The following SNTG1 variants were observed in gnomAD, a reference collection of about 807,000 sequenced individuals.
SNTG1 encodes gamma-1-syntrophin.
In SNTG1, 39 loss-of-function variants were observed where a neutral mutation model predicts 74.7. The observed-to-expected ratio is 0.52, with a 90% CI of 0.40 to 0.68. The LOEUF (loss-of-function observed/expected upper bound fraction) is 0.68, where lower values mean the gene tolerates loss of function less well. Ranked by LOEUF, SNTG1 falls within the 30% of genes least tolerant of loss-of-function variation. The pLI is 0.00. For missense variants in SNTG1, 685 were observed against 609.5 expected, an observed-to-expected ratio of 1.12 and a Z score of -1.30; for synonymous variants, 254 against 217.1, an observed-to-expected ratio of 1.17 and a Z score of -1.49.
intron 1 of SNTG1, among the ~76,000 whole-genome samples, chr8:50,069,317 A>G (rs963486450): frequency 6.6e-6 from 1 of 152,166 alleles, no homozygotes; most frequent in South Asian, 2.1e-4. Flanking sequence ...ATATCACAAA[A>G]TCCACAAGTG....
At chr8:50,535,192 T>A (rs927433797) in intron 10 of SNTG1, among the ~76,000 whole-genome samples, 1 of 152,138 alleles carries the variant, frequency 6.6e-6, no homozygotes, top group Non-Finnish European at 1.5e-5. Flanking sequence ...ACCATTATTA[T>A]CCCCACTTTG....
chr8:50,361,775 GAGATAGTCTATTGTTCTT>G (rs2091964951), intron 2 of SNTG1, among the ~76,000 whole-genome samples: 2 of 152,056 alleles, frequency 1.3e-5, no homozygotes, highest in Non-Finnish European at 2.9e-5. Context: ...TAGGCTACAT[GAGATAGTCTATTGTTCTT>G]AGGCTACACA....
intron 13 of SNTG1, among the ~76,000 whole-genome samples, chr8:50,594,143 T>C (rs912129297): frequency 6.6e-6 from 1 of 152,280 alleles, no homozygotes; most frequent in African/African-American, 2.4e-5. Context: ...TGAATGGAAG[T>C]CAAGTGATGT....
intron 1 of SNTG1, among the ~76,000 whole-genome samples, chr8:49,968,444 T>C (rs1335123668): frequency 6.6e-6 from 1 of 151,996 alleles, no homozygotes; most frequent in African/African-American, 2.4e-5. Context: ...GTTGGCACAA[T>C]GTCTTGACAT....
intron 1 of SNTG1, among the ~76,000 whole-genome samples, chr8:50,085,872 C>G (rs1822836150): frequency 6.6e-6 from 1 of 152,162 alleles, no homozygotes; most frequent in Non-Finnish European, 1.5e-5. Flanking sequence ...TTGTGTTGGA[C>G]CACTGAAATC....
chr8:50,399,757 T>C (rs2092777176), intron 3 of SNTG1, among the ~76,000 whole-genome samples: 1 of 151,492 alleles, frequency 6.6e-6, no homozygotes, highest in Non-Finnish European at 1.5e-5. Flanking sequence ...CATGAGTGAC[T>C]TTGTGTAAAA....
In SNTG1 at chr8:50,095,956, A is replaced by G. The variant is rs1221700155; in HGVS notation, c.-102-76605A>G. 2.1e-5 allele frequency among the ~76,000 whole-genome samples: 3 copies of G among 141,394 alleles called. No homozygotes were observed. In the East Asian group the frequency reaches 5.9e-4, roughly 28 times the overall value. 92.8% of individuals were successfully genotyped at this position (141,394 alleles called of 152,430 possible). ...GAAAATTATCAGAACATTTTAAATTATTATCTTAATTATTATTACCTGAAT... is the reference window on the plus strand; with the variant it reads ...GAAAATTATCAGAACATTTTAAATTGTTATCTTAATTATTATTACCTGAAT... On this transcript the variant is annotated intron_variant, in intron 1 of 18. Transcript: ENST00000642720.
intron 4 of SNTG1, among the ~76,000 whole-genome samples, chr8:50,435,257 A>G (rs2093289149): frequency 6.6e-6 from 1 of 152,170 alleles, no homozygotes; most frequent in Admixed American, 6.6e-5. Flanking sequence ...AAGGCATTAT[A>G]TATATATGAA....
Position 50,647,892 on chromosome 8 carries a change from A to ATT in SNTG1, c.850-9008_850-9007dup, listed in dbSNP as rs35004246. Among the ~76,000 whole-genome samples, 28 of 149,106 alleles carry ATT rather than the reference A, an allele frequency of 1.9e-4. 1 individual carries two copies. The East Asian group carries it at 3.5e-3, about 19-fold the overall frequency. On this transcript the variant is annotated intron_variant, in intron 13 of 18. Coordinates refer to ENST00000642720, the MANE Select transcript of SNTG1 (RefSeq NM_018967.5). ...TTATGCCTGTAATTCCCATTTTTAC[A>ATT]TTTTTTTTTTAGAAATTAAGAGATA...
chr8:50,601,609 A>C (rs1174038959), intron 13 of SNTG1, among the ~76,000 whole-genome samples: 2 of 152,222 alleles, frequency 1.3e-5, no homozygotes, highest in African/African-American at 4.8e-5. Context: ...CTGTTGGATG[A>C]AATATTCTGT....
At chr8:50,538,371 G>T (rs2094322288) in intron 11 of SNTG1, among the ~76,000 whole-genome samples, 1 of 151,998 alleles carries the variant, frequency 6.6e-6, no homozygotes, top group African/African-American at 2.4e-5. Context: ...GAATTTCAAA[G>T]CTTCTTTTAC....
intron 9 of SNTG1, among the ~76,000 whole-genome samples, chr8:50,510,281 G>A (rs1198444891): frequency 6.6e-6 from 1 of 152,132 alleles, no homozygotes; most frequent in African/African-American, 2.4e-5. Flanking sequence ...GATCATGTTG[G>A]ATAAGCTTTT....
intron 8 of SNTG1, among the ~76,000 whole-genome samples, chr8:50,501,822 T>C (rs553038867): frequency 6.6e-6 from 1 of 152,118 alleles, no homozygotes; most frequent in East Asian, 1.9e-4. Flanking sequence ...AATTCTTTAA[T>C]TGCGGTTGAA....
chr8:50,503,763 T>C (rs890928672), intron 9 of SNTG1, among the ~76,000 whole-genome samples: 2 of 152,232 alleles, frequency 1.3e-5, no homozygotes, highest in Non-Finnish European at 2.9e-5. Flanking sequence ...ATGTACTACA[T>C]TTATTAATGC....
chr8:50,192,164 G>A (rs2083601642), intron 2 of SNTG1, among the ~76,000 whole-genome samples: 1 of 152,094 alleles, frequency 6.6e-6, no homozygotes, highest in African/African-American at 2.4e-5. Context: ...AAAAGCTTTT[G>A]TTGTTGTTTT....
chr8:50,142,333 C>T (rs1167263134), intron 1 of SNTG1, among the ~76,000 whole-genome samples: 2 of 151,918 alleles, frequency 1.3e-5, no homozygotes, highest in African/African-American at 4.8e-5. Context: ...AATACAAGGA[C>T]ATAAAGTTTA....
chr8:50,204,936 A>G (rs1467467119), intron 2 of SNTG1, among the ~76,000 whole-genome samples: 2 of 152,174 alleles, frequency 1.3e-5, no homozygotes. Flanking sequence ...TCCATGGTAT[A>G]TATGTGCCAC....
At chr8:49,925,101 C>A (rs1806902309) in intron 1 of SNTG1, among the ~76,000 whole-genome samples, 1 of 151,994 alleles carries the variant, frequency 6.6e-6, no homozygotes, top group African/African-American at 2.4e-5. Flanking sequence ...TGCAGTGAGC[C>A]ATAATCATAC....
At chr8:50,671,896 G>A in intron 15 of SNTG1, among the ~76,000 whole-genome samples, 1 of 151,788 alleles carries the variant, frequency 6.6e-6, no homozygotes, top group African/African-American at 2.4e-5. Flanking sequence ...CCTTTGTAGG[G>A]ACATGGATGA....
Sources: allele counts gnomAD v4.1 joint callset (sites outside exome capture counted in the v4.1 genomes callset), GRCh38; gene constraint gnomAD v4.1.1; transcripts MANE v1.5; gene names NCBI Gene and HGNC (gene_info 2026-07-23, HGNC 2026-07-21).